Variants in TMEM156 observed in about 807,000 individuals in gnomAD.
The protein encoded by TMEM156 is transmembrane protein 156.
TMEM156 carries 28 observed loss-of-function variants against 30.5 expected under a neutral mutation model. That is an observed-to-expected ratio of 0.92 (90% CI 0.68 to 1.26). TMEM156 has a LOEUF of 1.26. Ranked by LOEUF, TMEM156 falls within the 50% of genes most tolerant of loss-of-function variation. The pLI is 0.00. For synonymous variants in TMEM156, 137 were observed against 119.9 expected (o/e 1.14, Z -0.93); for missense variants, 351 against 340.6 (o/e 1.03, Z -0.24).
chr4:39,004,411 A>G (rs1358942727), intron 1 of TMEM156, among the ~76,000 whole-genome samples: 1 of 152,168 alleles, frequency 6.6e-6, no homozygotes, highest in Non-Finnish European at 1.5e-5. Flanking sequence ...ATACACACAT[A>G]TATAAAATGT....
At chr4:38,985,795 G>T (rs537106428) in intron 5 of TMEM156, among the ~76,000 whole-genome samples, 4 of 152,154 alleles carry the variant, frequency 2.6e-5, no homozygotes, top group African/African-American at 9.7e-5. Flanking sequence ...CCAAAAGGAG[G>T]CTTCACAATT....
At chr4:39,002,280 A>G (rs1713418882) in intron 1 of TMEM156, among the ~76,000 whole-genome samples, 1 of 152,178 alleles carries the variant, frequency 6.6e-6, no homozygotes, top group Non-Finnish European at 1.5e-5. Context: ...AACACACGAA[A>G]AAATGTTCAC....
intron 1 of TMEM156, among the ~76,000 whole-genome samples, chr4:39,006,177 T>G (rs947956433): frequency 1.3e-5 from 2 of 152,234 alleles, no homozygotes; most frequent in African/African-American, 4.8e-5. Context: ...ATTACAGGCA[T>G]GAACCACTGC....
In TMEM156 at chr4:38,998,681, T is replaced by C. The variant is rs762721927; in HGVS notation, c.317A>G (p.Lys106Arg). The part of the protein sequence containing the change: ...MCSSCLVCES[K>R]GNMDFISQEQ... ...CTGAGAAATAAAATCCATGTTTCCT[T>C]TAGACTCACAAACCAAACACGAGGA... Residue 106 changes from lysine to arginine, a missense_variant, in exon 2 of 7, where the codon AAA (lysine) becomes AGA (arginine). By Grantham distance (26) the Lys-to-Arg change is conservative. Coordinates refer to ENST00000381938, the MANE Select transcript of TMEM156 (RefSeq NM_024943.3). 1 of 1,613,086 alleles carries C rather than the reference T, an allele frequency of 6.2e-7. No homozygotes were observed. The highest frequency in any genetic ancestry group is 1.3e-5 in the African/African-American group (1 of 74,928).
In TMEM156 at chr4:39,008,756, A is replaced by G. The variant is rs79032678; in HGVS notation, c.89-9847T>C. Among the ~76,000 whole-genome samples the G allele has an allele frequency of 3.6e-3, 552 of 152,330 alleles. 4 individuals carry two copies. Among genetic ancestry groups the G allele is most frequent in the African/African-American group, 0.013 (533 of 41,592 alleles). On this transcript the variant is annotated intron_variant, in intron 1 of 6. Coordinates refer to ENST00000381938, the MANE Select transcript of TMEM156 (RefSeq NM_024943.3). Reference sequence around the variant, plus strand: ...CAATCTACTACAACATCTAGGTTACAACAAAAGCAGTGTTAAAAGAAAAGT... The same window carrying G: ...CAATCTACTACAACATCTAGGTTACGACAAAAGCAGTGTTAAAAGAAAAGT...
intron 1 of TMEM156, among the ~76,000 whole-genome samples, chr4:39,010,398 T>C (rs1714028570): frequency 6.6e-6 from 1 of 152,098 alleles, no homozygotes; most frequent in South Asian, 2.1e-4. Flanking sequence ...AAAACTATTC[T>C]AAAATTCATA....
At chr4:38,975,286 T>G (rs920637566) in intron 5 of TMEM156, among the ~76,000 whole-genome samples, 38 of 152,246 alleles carry the variant, frequency 2.5e-4, no homozygotes, top group African/African-American at 8.9e-4. Flanking sequence ...TTATTGTCAT[T>G]AAGTACCAAC....
At chr4:39,019,037 A>AC (rs1018518361) in intron 1 of TMEM156, among the ~76,000 whole-genome samples, 1 of 151,482 alleles carries the variant, frequency 6.6e-6, no homozygotes, top group South Asian at 2.1e-4. Flanking sequence ...ACAAAACAAA[A>AC]AAAAAAAAAA....
rs182591424 is a variant in TMEM156, at chr4:39,022,911, C to G, written c.88+9315G>C. Among the ~76,000 whole-genome samples the G allele has an allele frequency of 6.4e-3, 974 of 152,196 alleles. 14 individuals are homozygous for G. The highest frequency in any genetic ancestry group is 0.022 in the African/African-American group (930 of 41,514). On this transcript the variant is annotated intron_variant, in intron 1 of 6. Transcript: ENST00000381938. ...AACTAGAGAAAATGAGAATTTTTTG[C>G]TACTAGAAATATTGCTAGTACAACC...
intron 1 of TMEM156, among the ~76,000 whole-genome samples, chr4:39,021,352 C>T (rs1480690427): frequency 6.8e-6 from 1 of 146,308 alleles, no homozygotes; most frequent in African/African-American, 2.6e-5. Context: ...TGCAGTGAGC[C>T]ATACTACATT....
At chr4:39,026,771 A>G (rs1715226893) in intron 1 of TMEM156, among the ~76,000 whole-genome samples, 1 of 151,966 alleles carries the variant, frequency 6.6e-6, no homozygotes, top group Admixed American at 6.6e-5. Context: ...TACTAAAAAT[A>G]CAAAAATTAG....
intron 3 of TMEM156, among the ~76,000 whole-genome samples, chr4:38,990,549 G>A (rs1712345578): frequency 6.6e-6 from 1 of 152,120 alleles, no homozygotes; most frequent in Non-Finnish European, 1.5e-5. Context: ...CACATGATGG[G>A]GACCAGACCA....
intron 1 of TMEM156, among the ~76,000 whole-genome samples, chr4:39,015,863 T>C (rs1714446006): frequency 6.6e-6 from 1 of 152,092 alleles, no homozygotes; most frequent in African/African-American, 2.4e-5. Flanking sequence ...GAAACCCCCT[T>C]TTGCTTGGCA....
chr4:38,978,895 A>G (rs1214316071), intron 5 of TMEM156, among the ~76,000 whole-genome samples: 2 of 152,050 alleles, frequency 1.3e-5, no homozygotes, highest in Non-Finnish European at 2.9e-5. Context: ...GGATCCTCCC[A>G]CCTGAGGCTC....
At chr4:39,027,551 CTTTT>C (rs71192813) in intron 1 of TMEM156, among the ~76,000 whole-genome samples, 5 of 79,058 alleles carry the variant, frequency 6.3e-5, no homozygotes, top group African/African-American at 2.0e-4. Context: ...TATACTATTC[CTTTT>C]TTTTTTTTTT....
chr4:38,990,084 T>C lies in TMEM156; in HGVS notation c.620-1114A>G, dbSNP rs181985300. 1.7e-3 allele frequency among the ~76,000 whole-genome samples: 266 copies of C among 152,300 alleles called. 1 individual carries two copies. Among genetic ancestry groups the C allele is most frequent in the Middle Eastern group, 3.4e-3 (1 of 294 alleles). ...TGCTGGGATTACAGGCGTGAGCCAC[T>C]GCACCTGGCCTGTCTACTGACTTTC... On this transcript the variant is annotated intron_variant, in intron 3 of 6. Coordinates refer to ENST00000381938, the MANE Select transcript of TMEM156 (RefSeq NM_024943.3).
chr4:39,004,259 T>C (rs1306935750), intron 1 of TMEM156, among the ~76,000 whole-genome samples: 1 of 152,144 alleles, frequency 6.6e-6, no homozygotes, highest in Non-Finnish European at 1.5e-5. Context: ...GTACATAGAA[T>C]ACTGAACAGA....
At chr4:38,978,266 T>TA (rs1437280091) in intron 5 of TMEM156, among the ~76,000 whole-genome samples, 3 of 145,978 alleles carry the variant, frequency 2.1e-5, no homozygotes, top group African/African-American at 5.3e-5. Context: ...AAAGTAACTT[T>TA]TAAAAAAATA....
At chr4:39,000,042 A>G (rs1713226382) in intron 1 of TMEM156, among the ~76,000 whole-genome samples, 1 of 152,228 alleles carries the variant, frequency 6.6e-6, no homozygotes, top group South Asian at 2.1e-4. Context: ...TCTGAAGACA[A>G]ACATAAGATA....
Sources: gnomAD v4.1 joint callset for allele counts (sites outside exome capture counted in the v4.1 genomes callset) on GRCh38, gnomAD v4.1.1 for gene constraint, MANE v1.5 for transcripts, NCBI Gene and HGNC (gene_info 2026-07-23, HGNC 2026-07-21) for gene names.